Variants in WWOX observed in about 807,000 individuals in gnomAD.
WWOX encodes WW domain-containing oxidoreductase.
Under a neutral mutation model 46.2 loss-of-function variants are expected in WWOX, and 69 were observed. The observed-to-expected ratio is 1.49, with a 90% CI of 1.23 to 1.82. The LOEUF is 1.82. Among genes scored for constraint, WWOX ranks in the 40% most tolerant of loss-of-function variants. The pLI, the probability that WWOX is intolerant of heterozygous loss-of-function variation, is 0.00. For synonymous variants in WWOX, 359 were observed against 202.6 expected (o/e 1.77, Z -6.56); for missense variants, 919 against 542.6 (o/e 1.69, Z -6.89).
intron 5 of WWOX, among the ~76,000 whole-genome samples, chr16:78,314,371 A>G (rs1218463082): frequency 1.4e-5 from 2 of 139,974 alleles, no homozygotes. Flanking sequence ...GAGCCACTGC[A>G]CTCCAGCCTG....
At chr16:78,399,035 G>A (rs1251833678) in intron 6 of WWOX, among the ~76,000 whole-genome samples, 1 of 148,654 alleles carries the variant, frequency 6.7e-6, no homozygotes, top group African/African-American at 2.6e-5. Context: ...TGGATAGAAA[G>A]ATGGAACAGG....
At chr16:78,784,946 T>A (rs2050418524) in intron 8 of WWOX, among the ~76,000 whole-genome samples, 1 of 152,094 alleles carries the variant, frequency 6.6e-6, no homozygotes, top group African/African-American at 2.4e-5. Flanking sequence ...GAGGTGTCCC[T>A]TTTGCAGTTG....
chr16:78,565,111 A>G (rs781717131), intron 8 of WWOX, among the ~76,000 whole-genome samples: 40 of 152,242 alleles, frequency 2.6e-4, no homozygotes, highest in Non-Finnish European at 4.7e-4. Flanking sequence ...TTCATTCATC[A>G]GAGCAGCATA....
At chr16:78,764,594 C>A (rs553007866) in intron 8 of WWOX, among the ~76,000 whole-genome samples, 1 of 141,250 alleles carries the variant, frequency 7.1e-6, no homozygotes, top group Non-Finnish European at 1.5e-5. Flanking sequence ...TGCCGTGCCC[C>A]GGGTGGGTTT....
chr16:78,381,423 C>T (rs2081954964), intron 5 of WWOX, among the ~76,000 whole-genome samples: 1 of 151,174 alleles, frequency 6.6e-6, no homozygotes. Flanking sequence ...GGGAGACATG[C>T]ACCTGGGTTG....
intron 5 of WWOX, among the ~76,000 whole-genome samples, chr16:78,312,595 G>A (rs561788659): frequency 5.3e-5 from 8 of 152,028 alleles, no homozygotes; most frequent in Admixed American, 2.0e-4. Flanking sequence ...GGCTGGTGTC[G>A]AACTCCTGAC....
At chr16:78,940,251 T>C (rs564182361) in intron 8 of WWOX, among the ~76,000 whole-genome samples, 147 of 152,272 alleles carry the variant, frequency 9.7e-4, no homozygotes, top group African/African-American at 3.4e-3. Context: ...GAATACGGAG[T>C]ATATATTTTG....
Position 79,212,338 on chromosome 16 carries a change from G to A in WWOX, c.*542G>A, listed in dbSNP as rs2150870503. 2 of 683,796 alleles carry A rather than the reference G, an allele frequency of 2.9e-6. No individual in the cohort carries two copies. The highest frequency in any genetic ancestry group is 5.6e-5 in the East Asian group (2 of 35,708). The allele number at this position is 683,796 out of a possible 1,614,324, so 42.4% of individuals were successfully genotyped here. ...ATCTCAGAACCTTGTCCCAGCCAGT[G>A]AGGATGACAGTGACACCCAGAGGGA... is the stretch of plus-strand genomic sequence containing the variant. On this transcript the variant is annotated 3_prime_UTR_variant, in exon 9 of 9. Coordinates refer to ENST00000566780, the MANE Select transcript of WWOX (RefSeq NM_016373.4).
intron 8 of WWOX, among the ~76,000 whole-genome samples, chr16:78,864,659 A>T (rs1435587964): frequency 6.7e-6 from 1 of 150,106 alleles, no homozygotes; most frequent in Non-Finnish European, 1.5e-5. Context: ...CCCAGCTCTG[A>T]GATTCCCTGT....
Position 78,424,893 on chromosome 16 carries a change from A to G in WWOX, c.629A>G (p.Asn210Ser), listed in dbSNP as rs767929766. ...AGGCCTCTTCATGTGCTTGTGTGCA[A>G]CGCAGCAACTTTTGCTCTACCCTGG... is the stretch of plus-strand genomic sequence containing the variant. ...KNVPLHVLVC[N>S]AATFALPWSL... The change falls in exon 7 of 9, where the codon AAC becomes AGC. Residue 210 changes from asparagine (N) to serine (S), a missense_variant. Physicochemically the swap from Asn to Ser is conservative, Grantham distance 46. Transcript: ENST00000566780. The G allele has an allele frequency of 2.5e-6, 4 of 1,614,064 alleles. No individual in the cohort carries two copies. The highest frequency in any genetic ancestry group is 2.7e-5 in the African/African-American group (2 of 75,008).
At chr16:78,656,610 A>T (rs368845789) in intron 8 of WWOX, among the ~76,000 whole-genome samples, 33 of 152,270 alleles carry the variant, frequency 2.2e-4, no homozygotes, top group African/African-American at 7.9e-4. Flanking sequence ...GCAAGGGGGA[A>T]ATCAGCCCTC....
chr16:78,354,370 C>A (rs184125783), intron 5 of WWOX, among the ~76,000 whole-genome samples: 1 of 143,108 alleles, frequency 7.0e-6, no homozygotes, highest in Non-Finnish European at 1.5e-5. Context: ...AGACTTTGCA[C>A]ATATTGTCAA....
At chr16:78,648,650 A>T (rs186526365) in intron 8 of WWOX, among the ~76,000 whole-genome samples, 22 of 152,280 alleles carry the variant, frequency 1.4e-4, no homozygotes, top group African/African-American at 5.3e-4. Flanking sequence ...AACCAATCAT[A>T]CAGGATGTCC....
intron 8 of WWOX, among the ~76,000 whole-genome samples, chr16:79,176,191 A>C (rs1442381823): frequency 1.3e-5 from 2 of 152,112 alleles, no homozygotes; most frequent in African/African-American, 4.8e-5. Context: ...GAAACCCCCA[A>C]AGGGGGATTT....
At chr16:78,205,922 C>A (rs1448678281) in intron 5 of WWOX, among the ~76,000 whole-genome samples, 1 of 149,382 alleles carries the variant, frequency 6.7e-6, no homozygotes, top group Non-Finnish European at 1.5e-5. Context: ...CTTTCCTTTC[C>A]TTCCTTCTCT....
chr16:78,473,686 A>G (rs1344761701), intron 8 of WWOX, among the ~76,000 whole-genome samples: 1 of 152,180 alleles, frequency 6.6e-6, no homozygotes, highest in Admixed American at 6.5e-5. Context: ...GTCTTAAACA[A>G]GTCCCAACCT....
At chr16:78,870,730 T>C (rs1433532243) in intron 8 of WWOX, among the ~76,000 whole-genome samples, 1 of 152,172 alleles carries the variant, frequency 6.6e-6, no homozygotes, top group African/African-American at 2.4e-5. Flanking sequence ...GTCTCCCAAG[T>C]AGCTGGGATT....
chr16:78,164,262 A>G lies in WWOX; in HGVS notation c.489A>G (p.Glu163=), dbSNP rs1248194578. ...LACRNMARAS[E]AVSRILEEWH... ...GCAGGAACATGGCAAGGGCGAGTGA[A>G]GCAGTGTCACGCATTTTAGAAGAAT... Residue 163 remains glutamate (E), a synonymous_variant, in exon 5 of 9, where the codon GAA becomes GAG. Transcript: ENST00000566780. 4 of 1,614,042 alleles carry G rather than the reference A, an allele frequency of 2.5e-6. No individual in the cohort carries two copies. In the South Asian group the frequency reaches 4.4e-5, roughly 18 times the overall value.
intron 1 of WWOX, 90 bp downstream of exon 1, chr16:78,099,975 G>A: frequency 7.2e-6 from 11 of 1,519,088 alleles, no homozygotes; most frequent in Non-Finnish European, 9.7e-6. Context: ...GCACTCCAGC[G>A]CAGCGCGTGC....
Sources: gnomAD v4.1 joint callset for allele counts (sites outside exome capture counted in the v4.1 genomes callset) on GRCh38, gnomAD v4.1.1 for gene constraint, MANE v1.5 for transcripts, NCBI Gene and HGNC (gene_info 2026-07-23, HGNC 2026-07-21) for gene names.